Variants in TRPS1 observed in about 807,000 individuals in gnomAD.
TRPS1 encodes the protein transcriptional repressor GATA binding 1.
A neutral mutation model predicts 101.2 loss-of-function variants in TRPS1; 6 were observed. That is an observed-to-expected ratio of 0.06 (90% CI 0.03 to 0.12). The LOEUF is 0.12. TRPS1 is among the 10% of genes least tolerant of loss of function. TRPS1 has a pLI of 1.00. For synonymous variants in TRPS1, 578 were observed against 589.8 expected (o/e 0.98, Z 0.29); for missense variants, 1,363 against 1,567.0 (o/e 0.87, Z 2.20).
chr8:115,654,294 T>G (rs1811630910), intron 1 of TRPS1, among the ~76,000 whole-genome samples: 1 of 152,182 alleles, frequency 6.6e-6, no homozygotes, highest in Non-Finnish European at 1.5e-5. Context: ...TTTCACTACA[T>G]TTGAAGTTGA....
intron 5 of TRPS1, among the ~76,000 whole-genome samples, chr8:115,570,682 C>A (rs1026258826): frequency 2.8e-5 from 1 of 35,296 alleles, no homozygotes; most frequent in African/African-American, 1.3e-4. Flanking sequence ...AAAAAACACA[C>A]ACACACTCAC....
intron 3 of TRPS1, among the ~76,000 whole-genome samples, chr8:115,609,389 A>C (rs997196207): frequency 1.3e-5 from 2 of 152,212 alleles, no homozygotes; most frequent in Non-Finnish European, 2.9e-5. Flanking sequence ...TGTTACTAAG[A>C]TAATACTTCT....
chr8:115,601,167 T>C (rs1301549260), intron 4 of TRPS1, among the ~76,000 whole-genome samples: 2 of 152,208 alleles, frequency 1.3e-5, no homozygotes, highest in Non-Finnish European at 2.9e-5. Flanking sequence ...TAATTTTTAC[T>C]ACACCATTAA....
chr8:115,431,865 C>T (rs1477596313), intron 5 of TRPS1, among the ~76,000 whole-genome samples: 1 of 151,846 alleles, frequency 6.6e-6, no homozygotes, highest in East Asian at 1.9e-4. Context: ...GTGGTAGCTG[C>T]ACATTTATAT....
intron 4 of TRPS1, among the ~76,000 whole-genome samples, chr8:115,589,626 G>C (rs1382441465): frequency 6.6e-6 from 1 of 152,054 alleles, no homozygotes; most frequent in Non-Finnish European, 1.5e-5. Context: ...AAGCACAATA[G>C]TAAAATTAAT....
At chr8:115,551,278 A>G (rs893364679) in intron 5 of TRPS1, among the ~76,000 whole-genome samples, 1 of 152,232 alleles carries the variant, frequency 6.6e-6, no homozygotes, top group Non-Finnish European at 1.5e-5. Context: ...AAATTTCAAA[A>G]GAAGAAAAAT....
chr8:115,613,816 A>T (rs1351535087), intron 3 of TRPS1, among the ~76,000 whole-genome samples: 2 of 152,242 alleles, frequency 1.3e-5, no homozygotes, highest in African/African-American at 4.8e-5. Context: ...AAAATAAGGG[A>T]TCTGTACAAA....
At chr8:115,537,228 T>C (rs1554584235) in intron 5 of TRPS1, among the ~76,000 whole-genome samples, 1 of 152,228 alleles carries the variant, frequency 6.6e-6, no homozygotes, top group Non-Finnish European at 1.5e-5. Flanking sequence ...GTGTTGTTTT[T>C]CTTTTTATAA....
chr8:115,412,888 C>T lies in TRPS1; in HGVS notation c.*1135G>A, dbSNP rs1459826631. On this transcript the variant is annotated 3_prime_UTR_variant, in exon 7 of 7. Coordinates refer to ENST00000395715, the MANE Select transcript of TRPS1 (RefSeq NM_014112.5). ...ATACTTCTAAGAATCCTATTTAATG[C>T]TACTTAACTAAATCTGTATACATTT... The T allele has an allele frequency of 1.3e-5, 2 of 152,474 alleles. No individual in the cohort carries two copies. The highest frequency in any genetic ancestry group is 1.5e-5 in the Non-Finnish European group (1 of 67,984). 9.4% of individuals were successfully genotyped at this position (152,474 alleles called of 1,614,324 possible). A position where few individuals can be genotyped will look rare whatever the true frequency, so the allele number is the denominator to read the frequency against.
chr8:115,480,890 A>G (rs1442564242), intron 5 of TRPS1, among the ~76,000 whole-genome samples: 1 of 152,102 alleles, frequency 6.6e-6, no homozygotes, highest in African/African-American at 2.4e-5. Context: ...ATTTACGTGC[A>G]TGTCAGCCAT....
At chr8:115,631,687 A>T (rs1299133027) in intron 1 of TRPS1, among the ~76,000 whole-genome samples, 1 of 151,864 alleles carries the variant, frequency 6.6e-6, no homozygotes, top group Non-Finnish European at 1.5e-5. Flanking sequence ...GGATGTTGAC[A>T]CACTTAGAAA....
At chr8:115,543,106 A>G (rs889450438) in intron 5 of TRPS1, among the ~76,000 whole-genome samples, 2 of 149,814 alleles carry the variant, frequency 1.3e-5, no homozygotes, top group South Asian at 2.1e-4. Context: ...ACAGACGGGT[A>G]AAAAAAAAAG....
At chr8:115,448,546 C>T (rs1430821113) in intron 5 of TRPS1, among the ~76,000 whole-genome samples, 7 of 152,076 alleles carry the variant, frequency 4.6e-5, no homozygotes, top group Non-Finnish European at 1.0e-4. Flanking sequence ...TGGTCAAAAA[C>T]GCAGGCCACA....
At chr8:115,543,435 T>A (rs560255861) in intron 5 of TRPS1, among the ~76,000 whole-genome samples, 47 of 152,312 alleles carry the variant, frequency 3.1e-4, no homozygotes, top group South Asian at 8.3e-4. Flanking sequence ...TAATTTTTTT[T>A]AAATTTTTTT....
chr8:115,523,460 A>G (rs1177140248), intron 5 of TRPS1, among the ~76,000 whole-genome samples: 2 of 152,080 alleles, frequency 1.3e-5, no homozygotes, highest in Admixed American at 1.3e-4. Context: ...AAAACTATCT[A>G]TATAAGAGCT....
chr8:115,581,597 A>G (rs1817454610), intron 5 of TRPS1, among the ~76,000 whole-genome samples: 1 of 152,200 alleles, frequency 6.6e-6, no homozygotes, highest in East Asian at 1.9e-4. Context: ...AAAAGAAATT[A>G]GATTGCTTAA....
intron 5 of TRPS1, among the ~76,000 whole-genome samples, chr8:115,547,707 T>C (rs1204962499): frequency 6.6e-6 from 1 of 152,146 alleles, no homozygotes; most frequent in African/African-American, 2.4e-5. Flanking sequence ...CGGGAAAGGC[T>C]TCATTCCTTT....
At chr8:115,466,392 T>C (rs1217977612) in intron 5 of TRPS1, among the ~76,000 whole-genome samples, 1 of 152,184 alleles carries the variant, frequency 6.6e-6, no homozygotes, top group Non-Finnish European at 1.5e-5. Flanking sequence ...TTGACAAATG[T>C]AATTGAGGCA....
intron 5 of TRPS1, among the ~76,000 whole-genome samples, chr8:115,527,296 C>T (rs537620164): frequency 5.8e-4 from 88 of 151,762 alleles, no homozygotes; most frequent in Non-Finnish European, 9.1e-4. Flanking sequence ...AGAATGATAT[C>T]GTTTAGGTGA....
Sources: gnomAD v4.1 joint callset for allele counts (sites outside exome capture counted in the v4.1 genomes callset) on GRCh38, gnomAD v4.1.1 for gene constraint, MANE v1.5 for transcripts, NCBI Gene and HGNC (gene_info 2026-07-23, HGNC 2026-07-21) for gene names.